The following TAOK1 variants were observed in gnomAD, a reference collection of about 807,000 sequenced individuals.
TAOK1 encodes the protein serine/threonine-protein kinase TAO1.
TAOK1 carries 21 observed loss-of-function variants against 138.3 expected under a neutral mutation model. That is an observed-to-expected ratio of 0.15 (90% CI 0.11 to 0.22). The LOEUF (loss-of-function observed/expected upper bound fraction) is 0.22. Ranked by LOEUF, TAOK1 falls within the 10% of genes least tolerant of loss-of-function variation. The probability of loss-of-function intolerance (pLI) is 1.00; values close to 1 mark genes in which losing one functional copy is unlikely to be tolerated. For missense variants in TAOK1, 651 were observed against 1,227.7 expected, an observed-to-expected ratio of 0.53 and a Z score of 7.02; for synonymous variants, 361 against 398.4, an observed-to-expected ratio of 0.91 and a Z score of 1.12.
At chr17:29,418,341 G>A (rs971127171) in intron 1 of TAOK1, among the ~76,000 whole-genome samples, 2 of 152,110 alleles carry the variant, frequency 1.3e-5, no homozygotes, top group African/African-American at 4.8e-5. Context: ...ATGCCACCGT[G>A]CCTGGCTAAT....
intron 15 of TAOK1, chr17:29,512,169 C>G (rs1400966659): frequency 2.1e-5 from 3 of 146,284 alleles, no homozygotes; most frequent in Non-Finnish European, 4.5e-5. Flanking sequence ...ATTCTCCTGC[C>G]TCAACCCCCC....
At chr17:29,533,383 C>T (rs2032163075) in intron 18 of TAOK1, among the ~76,000 whole-genome samples, 1 of 149,506 alleles carries the variant, frequency 6.7e-6, no homozygotes, top group African/African-American at 2.5e-5. Flanking sequence ...AGGGGCTCCT[C>T]ACATCCCAGA....
At chr17:29,409,366 A>C (rs1905087962) in intron 1 of TAOK1, among the ~76,000 whole-genome samples, 1 of 118,940 alleles carries the variant, frequency 8.4e-6, no homozygotes, top group African/African-American at 3.4e-5. Flanking sequence ...ATGGAGTCTC[A>C]CTCTGTTGCC....
chr17:29,524,872 GTT>G (rs2031982746), intron 17 of TAOK1, among the ~76,000 whole-genome samples: 1 of 152,266 alleles, frequency 6.6e-6, no homozygotes, highest in East Asian at 1.9e-4. Context: ...CTACTCCGCT[GTT>G]TCTTCAGCTG....
At position 29,441,532 on chromosome 17, in the gene TAOK1, T is replaced by C. The variant is rs544343885; in HGVS notation, c.-94-9923T>C. Among the ~76,000 whole-genome samples the C allele has an allele frequency of 1.1e-4, 16 of 152,324 alleles. No homozygotes were observed. The South Asian group carries it at 3.3e-3, about 32-fold the overall frequency. ...TGTGTGATTTTAGGAATTTGACCATTTCATCTAGATTACCTAATTTATTGG... is the reference window on the plus strand; with the variant it reads ...TGTGTGATTTTAGGAATTTGACCATCTCATCTAGATTACCTAATTTATTGG... On this transcript the variant is annotated intron_variant, in intron 1 of 19. Transcript: ENST00000261716.
rs2032386291 is a variant in TAOK1 at position 29,545,367 on chromosome 17, A to T, written c.*2345A>T. On this transcript the variant is annotated 3_prime_UTR_variant, in exon 20 of 20. Coordinates refer to ENST00000261716, the MANE Select transcript of TAOK1 (RefSeq NM_020791.4). ...TTATTCATAGATCTGGCTGCTCTGT[A>T]CTACTGGATGGGTGGAATAGGGAAG... 6.6e-6 allele frequency: 1 copy of T among 152,198 alleles called. No homozygotes were observed. 9.4% of individuals were successfully genotyped at this position (152,198 alleles called of 1,614,324 possible). A position where few individuals can be genotyped will look rare whatever the true frequency, so the allele number is the denominator to read the frequency against.
At chr17:29,463,970 C>G (rs2030593627) in intron 2 of TAOK1, among the ~76,000 whole-genome samples, 1 of 152,158 alleles carries the variant, frequency 6.6e-6, no homozygotes, top group Non-Finnish European at 1.5e-5. Context: ...AGATCCTCAA[C>G]CTCATTAGTC....
At chr17:29,495,844 C>T (rs2031402252) in intron 11 of TAOK1, 117 bp downstream of exon 11, 1 of 813,676 alleles carries the variant, frequency 1.2e-6, no homozygotes, top group Admixed American at 3.4e-5. Flanking sequence ...TGTATTTTCT[C>T]AACACTGGTC....
At chr17:29,398,741 A>G (rs565205059) in intron 1 of TAOK1, among the ~76,000 whole-genome samples, 1 of 151,996 alleles carries the variant, frequency 6.6e-6, no homozygotes, top group Non-Finnish European at 1.5e-5. Context: ...CATGTTGGCC[A>G]GGCTGGTCTT....
chr17:29,488,118 C>G (rs2031210104), intron 8 of TAOK1, among the ~76,000 whole-genome samples: 1 of 152,124 alleles, frequency 6.6e-6, no homozygotes, highest in African/African-American at 2.4e-5. Context: ...GTTCCAGAAC[C>G]CCCTCAGATA....
intron 17 of TAOK1, among the ~76,000 whole-genome samples, chr17:29,526,586 G>A (rs1327093418): frequency 1.3e-5 from 2 of 151,846 alleles, no homozygotes; most frequent in Non-Finnish European, 2.9e-5. Flanking sequence ...GCTGATTTTT[G>A]TATATTTAGT....
chr17:29,451,412 C>G, intron 1 of TAOK1, 43 bp from the exon 2 acceptor site: 2 of 932,364 alleles, frequency 2.1e-6, no homozygotes, highest in Non-Finnish European at 3.1e-6. Context: ...TTATTCTTAG[C>G]AGTTTTTGCC....
intron 19 of TAOK1, among the ~76,000 whole-genome samples, chr17:29,538,778 T>G (rs917170044): frequency 1.3e-5 from 2 of 152,254 alleles, no homozygotes; most frequent in African/African-American, 4.8e-5. Context: ...TTTCTCATCC[T>G]TCATTTACAT....
intron 1 of TAOK1, among the ~76,000 whole-genome samples, chr17:29,448,237 G>A (rs183515503): frequency 9.3e-4 from 141 of 151,384 alleles, no homozygotes; most frequent in Non-Finnish European, 1.5e-3. Flanking sequence ...TCTGATGTTC[G>A]GTTTGAGGAA....
At position 29,545,767 on chromosome 17, in the gene TAOK1, T is replaced by C. The variant is rs2032392729; in HGVS notation, c.*2745T>C. On this transcript the variant is annotated 3_prime_UTR_variant, in exon 20 of 20. Coordinates refer to ENST00000261716, the MANE Select transcript of TAOK1 (RefSeq NM_020791.4). ...TATCCTAGAGAAAGAGCAAGCACTT[T>C]CTGAATCAGTGGGGAAATATCAATA... 6.6e-6 allele frequency: 1 copy of C among 152,164 alleles called. No homozygotes were observed. Among genetic ancestry groups the C allele is most frequent in the Non-Finnish European group, 1.5e-5 (1 of 67,988 alleles). The allele number at this position is 152,164 out of a possible 1,614,324, so 9.4% of individuals were successfully genotyped here.
intron 1 of TAOK1, among the ~76,000 whole-genome samples, chr17:29,426,996 C>T (rs1905661675): frequency 6.6e-6 from 1 of 152,102 alleles, no homozygotes; most frequent in South Asian, 2.1e-4. Flanking sequence ...AATTCAGTTT[C>T]TTAGTTGCAC....
At chr17:29,413,443 A>G (rs1257158135) in intron 1 of TAOK1, among the ~76,000 whole-genome samples, 2 of 152,034 alleles carry the variant, frequency 1.3e-5, no homozygotes, top group East Asian at 1.9e-4. Context: ...AAAAAGTACA[A>G]AAATTAGCTG....
intron 19 of TAOK1, among the ~76,000 whole-genome samples, chr17:29,538,040 A>T (rs2032253323): frequency 6.8e-6 from 1 of 146,118 alleles, no homozygotes; most frequent in African/African-American, 2.5e-5. Flanking sequence ...TCAACCTGGG[A>T]GGCAGAGGTT....
chr17:29,415,961 C>T (rs1905254936), intron 1 of TAOK1, among the ~76,000 whole-genome samples: 1 of 152,036 alleles, frequency 6.6e-6, no homozygotes, highest in East Asian at 1.9e-4. Context: ...CAATTTTCTG[C>T]ATTAAAAAAG....
Sources: allele counts gnomAD v4.1 joint callset (sites outside exome capture counted in the v4.1 genomes callset), GRCh38; gene constraint gnomAD v4.1.1; transcripts MANE v1.5; gene names NCBI Gene and HGNC (gene_info 2026-07-23, HGNC 2026-07-21).